ADK: variants seen among roughly 807,000 people sequenced by gnomAD.
The protein encoded by ADK is adenosine kinase, also known as N6,N6-dimethyladenosine kinase.
ADK carries 24 observed loss-of-function variants against 44.7 expected under a neutral mutation model. The ratio of observed to expected loss-of-function variants is 0.54; its 90% CI spans 0.39 to 0.76. The LOEUF (loss-of-function observed/expected upper bound fraction) is 0.76. Among genes scored for constraint, ADK ranks in the 30% least tolerant of loss-of-function variants. The probability of loss-of-function intolerance (pLI) is 0.00; values close to 1 mark genes in which losing one functional copy is unlikely to be tolerated. For missense variants in ADK, 321 were observed against 425.1 expected (o/e 0.76, Z 2.15); for synonymous variants, 128 against 142.6 (o/e 0.90, Z 0.73).
intron 3 of ADK, among the ~76,000 whole-genome samples, chr10:74,258,600 A>G (rs1343081266): frequency 6.6e-6 from 1 of 152,186 alleles, no homozygotes; most frequent in Non-Finnish European, 1.5e-5. Context: ...GACTTAATAC[A>G]ACAGATTTAG....
chr10:74,213,357 A>G (rs375860209), intron 2 of ADK, among the ~76,000 whole-genome samples: 1 of 152,168 alleles, frequency 6.6e-6, no homozygotes, highest in African/African-American at 2.4e-5. Context: ...CATTCTCTCA[A>G]AGTGCTGGGA....
chr10:74,497,027 G>A (rs1847713702), intron 6 of ADK, among the ~76,000 whole-genome samples: 3 of 151,914 alleles, frequency 2.0e-5, no homozygotes, highest in Middle Eastern at 3.4e-3. Flanking sequence ...TGCCCAGGTT[G>A]GACTCAAATG....
chr10:74,674,508 A>C (rs1855309504), intron 10 of ADK, among the ~76,000 whole-genome samples: 1 of 152,084 alleles, frequency 6.6e-6, no homozygotes, highest in South Asian at 2.1e-4. Flanking sequence ...GGTAACATGC[A>C]CTTGTAGTCC....
At chr10:74,296,239 T>TA (rs967789465) in intron 3 of ADK, among the ~76,000 whole-genome samples, 4 of 152,058 alleles carry the variant, frequency 2.6e-5, no homozygotes, top group Admixed American at 1.3e-4. Context: ...TACAAACTTG[T>TA]AAAAAAATTA....
intron 10 of ADK, among the ~76,000 whole-genome samples, chr10:74,684,492 C>T (rs1354388408): frequency 2.6e-5 from 4 of 151,974 alleles, no homozygotes; most frequent in African/African-American, 4.8e-5. Context: ...TAATTTAAGC[C>T]AGGCGCAGTG....
intron 3 of ADK, among the ~76,000 whole-genome samples, chr10:74,271,394 TTTGTTG>T (rs551609059): frequency 9.9e-5 from 15 of 152,110 alleles, no homozygotes; most frequent in Admixed American, 8.5e-4. Flanking sequence ...TATATATATT[TTTGTTG>T]TTGTTGTTGT....
intron 1 of ADK, among the ~76,000 whole-genome samples, chr10:74,157,322 A>T (rs2132029995): frequency 6.6e-6 from 1 of 152,316 alleles, no homozygotes; most frequent in South Asian, 2.1e-4. Context: ...AATTCACAAA[A>T]AATCTGATGG....
At position 74,403,365 on chromosome 10, in the gene ADK, G is replaced by A. The variant is rs572205382; in HGVS notation, c.555+4786G>A. Among the ~76,000 whole-genome samples the A allele has an allele frequency of 7.9e-5, 12 of 152,282 alleles. No homozygotes were observed. In the South Asian group the frequency reaches 2.5e-3, roughly 32 times the overall value. Reference sequence around the variant, plus strand: ...AGATGGAGTCTACAGAGGCAGGCAGGCCTCCTTGAGCTGCTGTGGGCTCTA... The same window carrying A: ...AGATGGAGTCTACAGAGGCAGGCAGACCTCCTTGAGCTGCTGTGGGCTCTA... On this transcript the variant is annotated intron_variant, in intron 6 of 10. Transcript: ENST00000539909.
At chr10:74,286,665 A>G (rs1365177080) in intron 3 of ADK, among the ~76,000 whole-genome samples, 1 of 152,210 alleles carries the variant, frequency 6.6e-6, no homozygotes, top group East Asian at 1.9e-4. Flanking sequence ...ATTGTGGTTT[A>G]TAGACAATGA....
chr10:74,369,661 A>C (rs1162088095), intron 4 of ADK, among the ~76,000 whole-genome samples: 2 of 152,178 alleles, frequency 1.3e-5, no homozygotes, highest in Non-Finnish European at 2.9e-5. Context: ...ATTAGCATCT[A>C]TAAGGAACCA....
At chr10:74,215,615 G>C (rs1843981470) in intron 2 of ADK, among the ~76,000 whole-genome samples, 1 of 151,666 alleles carries the variant, frequency 6.6e-6, no homozygotes. Flanking sequence ...ATGAGCCACT[G>C]CGCCCAGCTA....
chr10:74,512,296 A>G (rs1054309761), intron 6 of ADK, among the ~76,000 whole-genome samples: 5 of 150,334 alleles, frequency 3.3e-5, no homozygotes, highest in Non-Finnish European at 5.9e-5. Flanking sequence ...TATCACGGTT[A>G]TGTTGGCTTC....
intron 6 of ADK, among the ~76,000 whole-genome samples, chr10:74,416,173 T>A (rs980127769): frequency 2.0e-5 from 3 of 151,818 alleles, no homozygotes; most frequent in Non-Finnish European, 2.9e-5. Flanking sequence ...TAAAAAAAAA[T>A]TTGGTAAATT....
chr10:74,430,724 AT>A (rs373462698), intron 6 of ADK, among the ~76,000 whole-genome samples: 2 of 152,186 alleles, frequency 1.3e-5, no homozygotes, highest in African/African-American at 4.8e-5. Context: ...GAATGACTTG[AT>A]GGTTAAGTTG....
chr10:74,327,212 T>A (rs545508827), intron 4 of ADK, among the ~76,000 whole-genome samples: 1 of 152,304 alleles, frequency 6.6e-6, no homozygotes, highest in South Asian at 2.1e-4. Context: ...TAGGTTATGC[T>A]TTTTTTCCAT....
At chr10:74,640,671 C>T (rs920425414) in intron 9 of ADK, among the ~76,000 whole-genome samples, 2 of 152,196 alleles carry the variant, frequency 1.3e-5, no homozygotes, top group Non-Finnish European at 2.9e-5. Flanking sequence ...ATACTACCTC[C>T]ATTGCAAGTG....
chr10:74,557,183 A>C (rs945360668), intron 7 of ADK, among the ~76,000 whole-genome samples: 2 of 152,218 alleles, frequency 1.3e-5, no homozygotes, highest in Non-Finnish European at 2.9e-5. Context: ...CTCTTGACTG[A>C]AACGTGTAAG....
At chr10:74,162,018 A>T (rs1841913253) in intron 1 of ADK, among the ~76,000 whole-genome samples, 1 of 151,598 alleles carries the variant, frequency 6.6e-6, no homozygotes, top group Admixed American at 6.6e-5. Flanking sequence ...AACCCTTTAA[A>T]GATTTTTTTG....
intron 4 of ADK, among the ~76,000 whole-genome samples, chr10:74,381,702 T>C (rs1842981030): frequency 2.0e-5 from 3 of 152,220 alleles, no homozygotes; most frequent in Admixed American, 2.0e-4. Flanking sequence ...ACCAGATGTT[T>C]CAATCTCAGC....
Sources: allele counts gnomAD v4.1 joint callset (sites outside exome capture counted in the v4.1 genomes callset), GRCh38; gene constraint gnomAD v4.1.1; transcripts MANE v1.5; gene names NCBI Gene and HGNC (gene_info 2026-07-23, HGNC 2026-07-21).